Variants in FARS2 observed in about 807,000 individuals in gnomAD.
The protein encoded by FARS2 is phenylalanyl-tRNA synthetase 2, mitochondrial.
A neutral mutation model predicts 46.4 loss-of-function variants in FARS2; 40 were observed. That is an observed-to-expected ratio of 0.86 (90% CI 0.67 to 1.12). The LOEUF (loss-of-function observed/expected upper bound fraction) is 1.12, where lower values mean the gene tolerates loss of function less well. FARS2 is among the 50% of genes most tolerant of loss of function. FARS2 has a pLI of 0.00. For missense variants in FARS2, 513 were observed against 567.9 expected (o/e 0.90, Z 0.98); for synonymous variants, 234 against 214.9 (o/e 1.09, Z -0.78).
chr6:5,491,732 C>A (rs767606334), intron 4 of FARS2, among the ~76,000 whole-genome samples: 16 of 152,180 alleles, frequency 1.1e-4, no homozygotes, highest in Non-Finnish European at 2.2e-4. Flanking sequence ...TAATCTTACC[C>A]TCTTTCTCGC....
chr6:5,257,925 C>T (rs1386624391), upstream of FARS2, among the ~76,000 whole-genome samples: 1 of 152,102 alleles, frequency 6.6e-6, no homozygotes, highest in Non-Finnish European at 1.5e-5. Context: ...AGCAATGAGA[C>T]CTGTTTGGCT....
At chr6:5,379,285 C>T (rs377616891) in intron 2 of FARS2, among the ~76,000 whole-genome samples, 4 of 152,242 alleles carry the variant, frequency 2.6e-5, no homozygotes, top group African/African-American at 4.8e-5. Context: ...TGCATGGCAG[C>T]TCACCTATCT....
intron 3 of FARS2, among the ~76,000 whole-genome samples, chr6:5,429,066 A>G (rs1318292361): frequency 2.0e-5 from 3 of 152,198 alleles, no homozygotes; most frequent in African/African-American, 7.2e-5. Flanking sequence ...GGTTGCCTAC[A>G]GATGTGGGGG....
Position 5,614,857 on chromosome 6 carries a change from G to A in FARS2, c.1217+1537G>A, listed in dbSNP as rs999675427. 1.1e-4 allele frequency among the ~76,000 whole-genome samples: 17 copies of A among 152,134 alleles called. 1 individual carries two copies. Among genetic ancestry groups the A allele is most frequent in the Non-Finnish European group, 2.4e-4 (16 of 68,020 alleles). ...TGGAAACAATAGTCCCTGAGCTCTCGCATGTTCAAAACTGTTTATCTGTTT... is the reference window on the plus strand; with the variant it reads ...TGGAAACAATAGTCCCTGAGCTCTCACATGTTCAAAACTGTTTATCTGTTT... On this transcript the variant is annotated intron_variant, in intron 6 of 6. Transcript: ENST00000274680.
chr6:5,334,597 T>C (rs1771028991), intron 1 of FARS2, among the ~76,000 whole-genome samples: 1 of 152,186 alleles, frequency 6.6e-6, no homozygotes, highest in Admixed American at 6.5e-5. Context: ...TATTAATTCT[T>C]ACCAGACAAG....
chr6:5,336,278 T>A (rs1771152281), intron 1 of FARS2, among the ~76,000 whole-genome samples: 1 of 151,640 alleles, frequency 6.6e-6, no homozygotes, highest in Admixed American at 6.6e-5. Flanking sequence ...CACTTCAGGG[T>A]TATAAAATAA....
At chr6:5,371,352 C>T (rs1402769552) in intron 2 of FARS2, 1 of 165,390 alleles carries the variant, frequency 6.0e-6, no homozygotes, top group East Asian at 1.9e-4. Context: ...CAATTTTAAA[C>T]ATTTTATTAT....
chr6:5,312,774 A>C (rs895176094), intron 1 of FARS2, among the ~76,000 whole-genome samples: 23 of 152,238 alleles, frequency 1.5e-4, no homozygotes, highest in African/African-American at 5.3e-4. Context: ...CACTGTAGCA[A>C]GTGCTGGAGG....
At chr6:5,725,602 A>G (rs936437268) in intron 6 of FARS2, among the ~76,000 whole-genome samples, 8 of 152,160 alleles carry the variant, frequency 5.3e-5, no homozygotes, top group African/African-American at 1.9e-4. Flanking sequence ...TGCATGTGAC[A>G]TTTTTGGAGC....
chr6:5,614,411 CTT>C (rs199992978), intron 6 of FARS2, among the ~76,000 whole-genome samples: 56 of 139,422 alleles, frequency 4.0e-4, no homozygotes, highest in Non-Finnish European at 3.9e-4. Context: ...CCTTCTTTGT[CTT>C]TTTTTTTTTT....
chr6:5,611,554 C>G (rs768212281), intron 5 of FARS2, among the ~76,000 whole-genome samples: 9 of 152,214 alleles, frequency 5.9e-5, no homozygotes, highest in African/African-American at 9.7e-5. Context: ...TATCCCATGT[C>G]CGATACCTAC....
At chr6:5,332,623 A>G (rs1770874495) in intron 1 of FARS2, among the ~76,000 whole-genome samples, 1 of 152,270 alleles carries the variant, frequency 6.6e-6, no homozygotes, top group Admixed American at 6.5e-5. Flanking sequence ...ACGCTAACTC[A>G]GAGAACCTTA....
At chr6:5,333,348 A>G (rs1230730897) in intron 1 of FARS2, among the ~76,000 whole-genome samples, 3 of 152,206 alleles carry the variant, frequency 2.0e-5, no homozygotes, top group Non-Finnish European at 2.9e-5. Context: ...TAAGAGGTTG[A>G]ATGAATTTGC....
chr6:5,481,840 G>A (rs1016095608), intron 4 of FARS2, among the ~76,000 whole-genome samples: 1 of 152,168 alleles, frequency 6.6e-6, no homozygotes, highest in African/African-American at 2.4e-5. Flanking sequence ...CACTCTCGTG[G>A]TCTGCTCTGT....
At chr6:5,555,366 A>G (rs1367279436) in intron 5 of FARS2, among the ~76,000 whole-genome samples, 1 of 152,150 alleles carries the variant, frequency 6.6e-6, no homozygotes, top group Non-Finnish European at 1.5e-5. Flanking sequence ...ACATAGGTGA[A>G]TGTCGAATTT....
chr6:5,507,452 G>T (rs773238385), intron 4 of FARS2, among the ~76,000 whole-genome samples: 30 of 152,106 alleles, frequency 2.0e-4, no homozygotes, highest in African/African-American at 5.6e-4. Flanking sequence ...TTTGAAGCAT[G>T]TTTCTTTTCA....
chr6:5,377,336 C>T (rs1316468676), intron 2 of FARS2, among the ~76,000 whole-genome samples: 1 of 152,176 alleles, frequency 6.6e-6, no homozygotes, highest in Non-Finnish European at 1.5e-5. Context: ...ACAGGCATTC[C>T]GCAGGTTGTT....
At chr6:5,610,448 A>T (rs934890586) in intron 5 of FARS2, among the ~76,000 whole-genome samples, 4 of 152,214 alleles carry the variant, frequency 2.6e-5, no homozygotes, top group Admixed American at 1.3e-4. Flanking sequence ...AACAATTTAA[A>T]AATACAACAA....
chr6:5,511,631 C>A (rs779433690), intron 4 of FARS2, among the ~76,000 whole-genome samples: 22 of 152,152 alleles, frequency 1.4e-4, no homozygotes, highest in Admixed American at 9.8e-4. Flanking sequence ...CCAGGTAATG[C>A]CTAAGCCAGG....
Sources: allele counts gnomAD v4.1 joint callset (sites outside exome capture counted in the v4.1 genomes callset), GRCh38; gene constraint gnomAD v4.1.1; transcripts MANE v1.5; gene names NCBI Gene and HGNC (gene_info 2026-07-23, HGNC 2026-07-21).